Variants in TACR3 observed in about 807,000 individuals in gnomAD.
TACR3 encodes the protein neuromedin-K receptor.
Under a neutral mutation model 35.0 loss-of-function variants are expected in TACR3, and 34 were observed. The ratio of observed to expected loss-of-function variants is 0.97; its 90% CI spans 0.74 to 1.30. TACR3 has a LOEUF of 1.30. Ranked by LOEUF, TACR3 falls within the 50% of genes most tolerant of loss-of-function variation. The pLI is 0.00. For synonymous variants in TACR3, 233 were observed against 221.1 expected, an observed-to-expected ratio of 1.05 and a Z score of -0.48; for missense variants, 558 against 591.7, an observed-to-expected ratio of 0.94 and a Z score of 0.59.
chr4:103,623,042 C>A (rs1046588780), intron 3 of TACR3, among the ~76,000 whole-genome samples: 11 of 151,980 alleles, frequency 7.2e-5, no homozygotes, highest in African/African-American at 2.7e-4. Context: ...GTATACCTAC[C>A]TAATGTATTT....
In TACR3 at chr4:103,719,658, T is replaced by C. The variant is rs1218415814; in HGVS notation, c.18A>G (p.Ala6=). Residue 6 remains alanine (A), a synonymous_variant, in exon 1 of 5, where the codon GCA becomes GCG. Transcript: ENST00000304883. MATLP[A]AETWIDGGGG... is the part of the protein sequence containing the mutation. Reference sequence around the variant, plus strand: ...CACCCCCGTCTATCCAGGTTTCTGCTGCTGGGAGAGTGGCCATCGCCACCG... The same window carrying C: ...CACCCCCGTCTATCCAGGTTTCTGCCGCTGGGAGAGTGGCCATCGCCACCG... 5.0e-6 allele frequency: 8 copies of C among 1,611,776 alleles called. No individual in the cohort carries two copies. Among genetic ancestry groups the C allele is most frequent in the Non-Finnish European group, 4.2e-6 (5 of 1,180,028 alleles).
intron 1 of TACR3, among the ~76,000 whole-genome samples, chr4:103,685,192 G>A (rs890622540): frequency 5.9e-5 from 9 of 151,940 alleles, no homozygotes; most frequent in Non-Finnish European, 8.8e-5. Context: ...AGGATTTGGA[G>A]TCTAGAAACA....
intron 3 of TACR3, among the ~76,000 whole-genome samples, chr4:103,606,877 A>G (rs536407096): frequency 5.1e-4 from 77 of 152,306 alleles, no homozygotes; most frequent in Non-Finnish European, 9.6e-4. Flanking sequence ...GAGTGTTGAG[A>G]GAGGGCATCC....
intron 3 of TACR3, among the ~76,000 whole-genome samples, chr4:103,634,348 A>T (rs1479882366): frequency 1.3e-5 from 2 of 152,044 alleles, no homozygotes; most frequent in African/African-American, 2.4e-5. Flanking sequence ...TTCTCGTCTG[A>T]CTTGGCCTCC....
chr4:103,614,882 G>GTTTTTTTTTTTTTTT (rs1325226834), intron 3 of TACR3, among the ~76,000 whole-genome samples: 1 of 90,818 alleles, frequency 1.1e-5, no homozygotes, highest in Admixed American at 1.0e-4. Flanking sequence ...GATTATGAAT[G>GTTTTTTTTTTTTTTT]TGTTTTTTTT....
intron 1 of TACR3, among the ~76,000 whole-genome samples, chr4:103,678,621 T>A (rs762752780): frequency 6.6e-6 from 1 of 152,040 alleles, no homozygotes; most frequent in Non-Finnish European, 1.5e-5. Context: ...GAGTGCCAAA[T>A]AAATGAAAGC....
chr4:103,591,515 G>T lies in TACR3; in HGVS notation c.1057C>A (p.Pro353Thr). ...TTATTCAGACAGCAGTAGATGATGG[G>T]ATTGTACATGGTTGAGCTCATTGCC... The part of the protein sequence containing the change: ...WLAMSSTMYN[P>T]IIYCCLNKRF... Residue 353 changes from proline to threonine, a missense_variant, in exon 4 of 5, where the codon CCC becomes ACC. Coordinates refer to ENST00000304883, the MANE Select transcript of TACR3 (RefSeq NM_001059.3). The T allele has an allele frequency of 6.2e-7, 1 of 1,613,846 alleles. No homozygotes were observed. Among genetic ancestry groups the T allele is most frequent in the Non-Finnish European group, 8.5e-7 (1 of 1,179,816 alleles).
intron 1 of TACR3, among the ~76,000 whole-genome samples, chr4:103,687,969 G>A (rs1022819497): frequency 1.3e-5 from 2 of 152,142 alleles, no homozygotes; most frequent in Non-Finnish European, 2.9e-5. Flanking sequence ...AACAAAGCTG[G>A]AGGCATCACG....
At chr4:103,644,286 G>T (rs1044123520) in intron 3 of TACR3, among the ~76,000 whole-genome samples, 11 of 151,814 alleles carry the variant, frequency 7.2e-5, no homozygotes, top group African/African-American at 2.4e-4. Context: ...AAGCTTCACT[G>T]TTTCAATTAG....
intron 1 of TACR3, among the ~76,000 whole-genome samples, chr4:103,689,405 GAAA>G (rs1052906869): frequency 2.0e-5 from 3 of 151,274 alleles, no homozygotes; most frequent in Non-Finnish European, 3.0e-5. Flanking sequence ...TATAATAATT[GAAA>G]AAAAGAAAAG....
chr4:103,684,453 C>T (rs567038877), intron 1 of TACR3, among the ~76,000 whole-genome samples: 2 of 151,912 alleles, frequency 1.3e-5, no homozygotes, highest in African/African-American at 4.8e-5. Flanking sequence ...TAAAAAGCTA[C>T]CACTAATACT....
At chr4:103,662,551 C>A (rs1370225729) in intron 1 of TACR3, among the ~76,000 whole-genome samples, 1 of 151,934 alleles carries the variant, frequency 6.6e-6, no homozygotes, top group African/African-American at 2.4e-5. Context: ...GAATTGTGAC[C>A]CTCCAAAAAA....
chr4:103,662,218 T>C (rs4624657), intron 1 of TACR3, among the ~76,000 whole-genome samples: 1 of 108,862 alleles, frequency 9.2e-6, no homozygotes, highest in Admixed American at 8.5e-5. Flanking sequence ...GTTGATGGTG[T>C]TTTTTTTTTT....
chr4:103,589,436 T>C lies in TACR3; in HGVS notation c.*246A>G, dbSNP rs201161439. The C allele has an allele frequency of 3.7e-4, 172 of 461,554 alleles. No homozygotes were observed. Among genetic ancestry groups the C allele is most frequent in the Non-Finnish European group, 5.8e-4 (150 of 256,980 alleles). 28.6% of individuals were successfully genotyped at this position (461,554 alleles called of 1,614,324 possible). The stretch of plus-strand genomic sequence containing the variant: ...TATTTTCCTGACATATTTTTGTTCA[T>C]TGCATATAATAATTTAGAGTTTTCA... On this transcript the variant is annotated 3_prime_UTR_variant, in exon 5 of 5. Coordinates refer to ENST00000304883, the MANE Select transcript of TACR3 (RefSeq NM_001059.3).
At chr4:103,665,049 G>A (rs1725908537) in intron 1 of TACR3, among the ~76,000 whole-genome samples, 1 of 151,740 alleles carries the variant, frequency 6.6e-6, no homozygotes, top group South Asian at 2.1e-4. Flanking sequence ...TTGGGTTCAA[G>A]CTTTCTGTCC....
intron 1 of TACR3, among the ~76,000 whole-genome samples, chr4:103,712,537 G>C (rs574742539): frequency 1.7e-4 from 26 of 152,216 alleles, no homozygotes; most frequent in Non-Finnish European, 3.1e-4. Context: ...GAAAACCTAG[G>C]CAATACCATT....
chr4:103,627,816 T>C (rs1194140758), intron 3 of TACR3, among the ~76,000 whole-genome samples: 1 of 152,240 alleles, frequency 6.6e-6, no homozygotes, highest in Non-Finnish European at 1.5e-5. Context: ...TGCATAACTC[T>C]CCACCCCCAT....
chr4:103,625,856 A>G (rs1057312413), intron 3 of TACR3, among the ~76,000 whole-genome samples: 1 of 152,188 alleles, frequency 6.6e-6, no homozygotes, highest in African/African-American at 2.4e-5. Flanking sequence ...GAGGCAATTC[A>G]GGTAAAATGA....
At chr4:103,635,988 T>G (rs1216621823) in intron 3 of TACR3, among the ~76,000 whole-genome samples, 3 of 148,400 alleles carry the variant, frequency 2.0e-5, no homozygotes, top group African/African-American at 7.3e-5. Context: ...TCGTCCTTCT[T>G]CCTCTCTCAT....
Sources: allele counts gnomAD v4.1 joint callset (sites outside exome capture counted in the v4.1 genomes callset), GRCh38; gene constraint gnomAD v4.1.1; transcripts MANE v1.5; gene names NCBI Gene and HGNC (gene_info 2026-07-23, HGNC 2026-07-21).